CDH13: variants seen among roughly 807,000 people sequenced by gnomAD.
CDH13 encodes cadherin 13, also known as cadherin-13.
CDH13 carries 24 observed loss-of-function variants against 63.8 expected under a neutral mutation model. The observed-to-expected ratio is 0.38, with a 90% CI of 0.27 to 0.53. The LOEUF is 0.53. CDH13 is among the 20% of genes least tolerant of loss of function. CDH13 has a pLI of 0.85. For synonymous variants in CDH13, 503 were observed against 355.3 expected, an observed-to-expected ratio of 1.42 and a Z score of -4.67; for missense variants, 1,049 against 903.1, an observed-to-expected ratio of 1.16 and a Z score of -2.07.
chr16:82,875,394 C>A (rs967571351), intron 2 of CDH13, among the ~76,000 whole-genome samples: 4 of 152,076 alleles, frequency 2.6e-5, no homozygotes, highest in Non-Finnish European at 5.9e-5. Context: ...AAGAAAGATA[C>A]TTAATTAAAA....
intron 10 of CDH13, among the ~76,000 whole-genome samples, chr16:83,690,489 C>G (rs1418452512): frequency 6.6e-6 from 1 of 151,992 alleles, no homozygotes. Flanking sequence ...GTGCCCAGCG[C>G]ACAGCAAGTT....
intron 1 of CDH13, among the ~76,000 whole-genome samples, chr16:82,681,643 G>T (rs574114773): frequency 3.9e-4 from 60 of 152,288 alleles, no homozygotes; most frequent in African/African-American, 1.3e-3. Context: ...GATGCTCCTG[G>T]TGCCCCCGTT....
At chr16:83,006,022 G>A (rs1416726108) in intron 2 of CDH13, among the ~76,000 whole-genome samples, 1 of 152,150 alleles carries the variant, frequency 6.6e-6, no homozygotes, top group African/African-American at 2.4e-5. Flanking sequence ...TTTTTGAAAT[G>A]TACTCAGTTC....
chr16:83,271,498 T>G (rs1428556236), intron 5 of CDH13, among the ~76,000 whole-genome samples: 4 of 27,848 alleles, frequency 1.4e-4, no homozygotes, highest in Non-Finnish European at 3.3e-4. Flanking sequence ...TGGGCTTTTA[T>G]TTAAAAAAAA....
chr16:82,943,292 T>C (rs1331832860), intron 2 of CDH13, among the ~76,000 whole-genome samples: 24 of 152,196 alleles, frequency 1.6e-4, no homozygotes, highest in Non-Finnish European at 5.9e-5. Context: ...TCCTTTAGCA[T>C]CATGAGCCAC....
intron 8 of CDH13, among the ~76,000 whole-genome samples, chr16:83,667,003 ATGGATGGATGGATGGATGGATGGATGGG>A (rs1355101406): frequency 8.4e-5 from 10 of 119,340 alleles, no homozygotes; most frequent in African/African-American, 2.6e-4. Context: ...GGATGGATGG[ATGGATGGATGGATGGATGGATGGATGGG>A]TGGATGGATG....
intron 2 of CDH13, among the ~76,000 whole-genome samples, chr16:82,977,918 A>C (rs1597343675): frequency 6.6e-6 from 1 of 152,196 alleles, no homozygotes; most frequent in Non-Finnish European, 1.5e-5. Context: ...AGATTTGTTG[A>C]ATGTCTTTGA....
At chr16:82,890,173 A>T (rs992788906) in intron 2 of CDH13, among the ~76,000 whole-genome samples, 3 of 152,226 alleles carry the variant, frequency 2.0e-5, no homozygotes, top group African/African-American at 2.4e-5. Flanking sequence ...TGGAATTTTG[A>T]TGTAGGCTTG....
At chr16:82,832,726 C>G (rs188175608) in intron 1 of CDH13, among the ~76,000 whole-genome samples, 258 of 99,798 alleles carry the variant, frequency 2.6e-3, no homozygotes, top group Non-Finnish European at 3.8e-3. Context: ...TAAGCTTTTG[C>G]ATCTGGATCA....
intron 5 of CDH13, among the ~76,000 whole-genome samples, chr16:83,234,781 G>C (rs919411305): frequency 2.0e-5 from 3 of 152,238 alleles, no homozygotes; most frequent in Non-Finnish European, 4.4e-5. Flanking sequence ...TTTGCATGTG[G>C]AGAAACTGAG....
chr16:82,751,826 C>G (rs1166372463), intron 1 of CDH13, among the ~76,000 whole-genome samples: 1 of 152,036 alleles, frequency 6.6e-6, no homozygotes, highest in Non-Finnish European at 1.5e-5. Flanking sequence ...TTTATCAGCA[C>G]ACAGTGTTGG....
chr16:83,365,330 CGTAA>C (rs1190026663), intron 6 of CDH13, among the ~76,000 whole-genome samples: 1 of 152,148 alleles, frequency 6.6e-6, no homozygotes, highest in Non-Finnish European at 1.5e-5. Flanking sequence ...TGTTCAGACC[CGTAA>C]GTGAGTAGAT....
chr16:83,106,901 T>G (rs944693445), intron 3 of CDH13, among the ~76,000 whole-genome samples: 1 of 152,200 alleles, frequency 6.6e-6, no homozygotes, highest in African/African-American at 2.4e-5. Flanking sequence ...GGATGATTTT[T>G]TTTTTAAAAA....
intron 2 of CDH13, among the ~76,000 whole-genome samples, chr16:82,893,337 C>G (rs1280351844): frequency 6.6e-6 from 1 of 151,348 alleles, no homozygotes; most frequent in African/African-American, 2.5e-5. Flanking sequence ...TTAATATGGC[C>G]TAAGCCATAG....
At chr16:83,777,591 T>C (rs536284694) in intron 11 of CDH13, among the ~76,000 whole-genome samples, 59 of 152,334 alleles carry the variant, frequency 3.9e-4, no homozygotes, top group African/African-American at 1.3e-3. Flanking sequence ...TCTGTTGCAG[T>C]TGTCCATTCC....
At chr16:82,864,305 A>G (rs1187952222) in intron 2 of CDH13, among the ~76,000 whole-genome samples, 1 of 152,202 alleles carries the variant, frequency 6.6e-6, no homozygotes, top group Non-Finnish European at 1.5e-5. Context: ...TAATGTGACA[A>G]TCATATGCAT....
At chr16:83,067,056 G>T (rs7201956) in intron 3 of CDH13, among the ~76,000 whole-genome samples, 61,692 of 151,984 alleles carry the variant, frequency 0.41, 16,107 homozygotes, top group African/African-American at 0.73. Flanking sequence ...ATGACTGACC[G>T]TTTTAAGCGT....
chr16:83,041,642 A>G (rs1177919183), intron 3 of CDH13, among the ~76,000 whole-genome samples: 1 of 152,200 alleles, frequency 6.6e-6, no homozygotes, highest in South Asian at 2.1e-4. Context: ...CCCTGTTTCT[A>G]CACACATACA....
chr16:83,125,623 C>T (rs773782669), intron 4 of CDH13, 122 bp downstream of exon 4: 1 of 558,164 alleles, frequency 1.8e-6, no homozygotes, highest in Non-Finnish European at 3.2e-6. Flanking sequence ...TGATAAGAGA[C>T]CAAATGGTTT....
Sources: allele counts gnomAD v4.1 joint callset (sites outside exome capture counted in the v4.1 genomes callset), GRCh38; gene constraint gnomAD v4.1.1; transcripts MANE v1.5; gene names NCBI Gene and HGNC (gene_info 2026-07-23, HGNC 2026-07-21).